CBFA2T3: variants seen among roughly 807,000 people sequenced by gnomAD.
CBFA2T3 encodes CBFA2/RUNX1 partner transcriptional co-repressor 3, also known as transcriptional corepressor CBFA2T3.
In CBFA2T3, 31 loss-of-function variants were observed where a neutral mutation model predicts 58.6. The observed-to-expected ratio is 0.53, with a 90% CI of 0.40 to 0.71. The LOEUF (loss-of-function observed/expected upper bound fraction) is 0.71. Ranked by LOEUF, CBFA2T3 falls within the 30% of genes least tolerant of loss-of-function variation. The pLI is 0.00. For synonymous variants in CBFA2T3, 531 were observed against 421.9 expected (o/e 1.26, Z -3.17); for missense variants, 1,076 against 963.1 (o/e 1.12, Z -1.55).
At chr16:88,905,334 C>T (rs1970268655) in intron 1 of CBFA2T3, among the ~76,000 whole-genome samples, 1 of 152,084 alleles carries the variant, frequency 6.6e-6, no homozygotes, top group South Asian at 2.1e-4. Context: ...CATGCACGAC[C>T]CCCCACCGCC....
chr16:88,971,256 C>A (rs1439733745), intron 1 of CBFA2T3, among the ~76,000 whole-genome samples: 2 of 152,178 alleles, frequency 1.3e-5, no homozygotes, highest in African/African-American at 4.8e-5. Context: ...ATTACAAGCA[C>A]CCACTACCAC....
At chr16:88,950,469 C>T (rs1472251110) in intron 1 of CBFA2T3, 3 of 425,474 alleles carry the variant, frequency 7.1e-6, no homozygotes, top group African/African-American at 2.4e-5. Context: ...TCTGTTCACC[C>T]CTCCCCCGGA....
intron 1 of CBFA2T3, among the ~76,000 whole-genome samples, chr16:88,913,046 A>G (rs1177878158): frequency 1.3e-5 from 2 of 152,122 alleles, no homozygotes; most frequent in Non-Finnish European, 2.9e-5. Context: ...TGCCCTTTCG[A>G]TGGGATTGCA....
intron 1 of CBFA2T3, among the ~76,000 whole-genome samples, chr16:88,932,109 G>A (rs181829722): frequency 0.012 from 1,755 of 152,066 alleles, 32 homozygotes; most frequent in African/African-American, 0.041. Context: ...GGCACCCGAC[G>A]CAGTGACCTT....
At chr16:88,969,422 C>T (rs572733932) in intron 1 of CBFA2T3, among the ~76,000 whole-genome samples, 154 of 152,326 alleles carry the variant, frequency 1.0e-3, no homozygotes, top group South Asian at 5.0e-3. Context: ...GGGCCAGCTG[C>T]GGGGGTCGCA....
At chr16:88,932,976 AAAAG>A (rs1345314948) in intron 1 of CBFA2T3, among the ~76,000 whole-genome samples, 6 of 152,100 alleles carry the variant, frequency 3.9e-5, no homozygotes, top group South Asian at 2.1e-4. Context: ...CTGGGGGAAA[AAAAG>A]AAAGAAAGAA....
chr16:88,907,891 T>C (rs1970392650), intron 1 of CBFA2T3, among the ~76,000 whole-genome samples: 1 of 152,240 alleles, frequency 6.6e-6, no homozygotes, highest in Non-Finnish European at 1.5e-5. Context: ...GAGTCTGCCC[T>C]GATGTTGGGT....
Position 88,886,059 on chromosome 16 carries a change from A to C in CBFA2T3, c.795T>G (p.His265Gln). The change falls in exon 6 of 12, where the codon CAT becomes CAG. Residue 265 changes from histidine to glutamine, a missense_variant. His to Gln is a conservative substitution (Grantham distance 24). Transcript: ENST00000268679. ...CGCTGGCGTCCAGCAGGAGCTGCTC[A>C]TGCTGGGCCAAGTACTGGGCGGGCG... ...KQTPAQYLAQHEQLLLDASAS... is the reference protein window; with the variant it reads ...KQTPAQYLAQQEQLLLDASAS... 1 of 1,588,626 alleles carries C rather than the reference A, an allele frequency of 6.3e-7. No individual in the cohort carries two copies.
intron 11 of CBFA2T3, among the ~76,000 whole-genome samples, chr16:88,877,885 TCA>T (rs926837817): frequency 2.0e-5 from 3 of 152,200 alleles, no homozygotes; most frequent in Non-Finnish European, 4.4e-5. Context: ...GCTGGATCTC[TCA>T]CAGACGGTTG....
At position 88,882,633 on chromosome 16, in the gene CBFA2T3, C is replaced by A. The variant is rs777607497; in HGVS notation, c.1203+43G>T. 2.7e-5 allele frequency: 36 copies of A among 1,310,332 alleles called. No individual in the cohort carries two copies. The South Asian group carries it at 4.6e-4, about 17-fold the overall frequency. The allele number at this position is 1,310,332 out of a possible 1,614,324, so 81.2% of individuals were successfully genotyped here. On this transcript the variant is annotated intron_variant, in intron 8 of 11. Transcript: ENST00000268679. ...GGCTGTGTGTGTGCGTGGCTGTGCG[C>A]CTGGGCATGGCTGTGTGGGCGTGGC...
intron 1 of CBFA2T3, among the ~76,000 whole-genome samples, chr16:88,917,102 G>T (rs1970763691): frequency 6.6e-6 from 1 of 151,562 alleles, no homozygotes; most frequent in South Asian, 2.1e-4. Flanking sequence ...AAAGAAAAAA[G>T]AAAAAGGAAA....
chr16:88,898,905 A>G (rs1051433647), intron 2 of CBFA2T3, among the ~76,000 whole-genome samples: 1 of 152,260 alleles, frequency 6.6e-6, no homozygotes, highest in African/African-American at 2.4e-5. Context: ...AGCTGAAGTC[A>G]GTGGCGCAGG....
chr16:88,894,255 C>T (rs1232680899), intron 3 of CBFA2T3, among the ~76,000 whole-genome samples: 1 of 25,602 alleles, frequency 3.9e-5, no homozygotes, highest in Admixed American at 3.6e-4. Context: ...TATACACATG[C>T]ACACAATGTA....
intron 1 of CBFA2T3, among the ~76,000 whole-genome samples, chr16:88,957,076 C>G (rs1031160954): frequency 1.3e-5 from 2 of 152,216 alleles, no homozygotes; most frequent in Non-Finnish European, 2.9e-5. Flanking sequence ...GTCACGCTCT[C>G]TCCCGGAACA....
At chr16:88,929,634 A>G (rs962811639) in intron 1 of CBFA2T3, among the ~76,000 whole-genome samples, 2 of 120,506 alleles carry the variant, frequency 1.7e-5, no homozygotes, top group African/African-American at 5.6e-5. Context: ...CATCCACGCA[A>G]AAACTACCAA....
chr16:88,904,077 C>T (rs1970206823), intron 1 of CBFA2T3, among the ~76,000 whole-genome samples: 1 of 152,224 alleles, frequency 6.6e-6, no homozygotes, highest in African/African-American at 2.4e-5. Context: ...CAGCCGTCAC[C>T]CAACAAGGGC....
chr16:88,901,740 G>A, intron 1 of CBFA2T3, 84 bp from the exon 2 acceptor site: 1 of 1,282,050 alleles, frequency 7.8e-7, no homozygotes, highest in East Asian at 3.0e-5. Context: ...TCCCAGCGAA[G>A]GCCCCACTGA....
At chr16:88,880,827 G>T in intron 9 of CBFA2T3, 39 bp from the exon 10 acceptor site, 1 of 1,542,488 alleles carries the variant, frequency 6.5e-7, no homozygotes, top group Non-Finnish European at 8.8e-7. Context: ...TGGGCCACGC[G>T]GCTGCCCCTC....
intron 1 of CBFA2T3, among the ~76,000 whole-genome samples, chr16:88,925,844 G>A (rs1971069309): frequency 6.6e-6 from 1 of 152,236 alleles, no homozygotes; most frequent in African/African-American, 2.4e-5. Flanking sequence ...CCGGTACCAA[G>A]GACATGGGTG....
Sources: gnomAD v4.1 joint callset for allele counts (sites outside exome capture counted in the v4.1 genomes callset) on GRCh38, gnomAD v4.1.1 for gene constraint, MANE v1.5 for transcripts, NCBI Gene and HGNC (gene_info 2026-07-23, HGNC 2026-07-21) for gene names.